The following CNGA4 variants were observed in gnomAD, a reference collection of about 807,000 sequenced individuals.
CNGA4 encodes the protein cyclic nucleotide-gated channel alpha-4.
In CNGA4, 32 loss-of-function variants were observed where a neutral mutation model predicts 45.6. The observed-to-expected ratio is 0.70, with a 90% CI of 0.53 to 0.94. The LOEUF is 0.94. CNGA4 is among the 40% of genes least tolerant of loss of function. The pLI, the probability that CNGA4 is intolerant of heterozygous loss-of-function variation, is 0.00. For synonymous variants in CNGA4, 293 were observed against 304.6 expected (o/e 0.96, Z 0.40); for missense variants, 726 against 755.1 (o/e 0.96, Z 0.45).
chr11:6,244,826 G>A (rs753628534), downstream of CNGA4, among the ~76,000 whole-genome samples: 6 of 152,162 alleles, frequency 3.9e-5, no homozygotes, highest in Non-Finnish European at 5.9e-5. The surrounding 1 kb of genome is among the most constrained non-coding windows in gnomAD (Gnocchi z 4.5). Context: ...AGACACAGAT[G>A]CCCTTCACAG....
intron 5 of CNGA4, 115 bp downstream of exon 5, chr11:6,241,895 C>T: frequency 1.1e-6 from 1 of 904,420 alleles, no homozygotes; most frequent in Non-Finnish European, 1.7e-6. Context: ...TTGAGGAAAC[C>T]TGGCCCTTCT....
chr11:6,237,433 C>G (rs542615077), upstream of CNGA4, among the ~76,000 whole-genome samples: 12 of 151,940 alleles, frequency 7.9e-5, no homozygotes, highest in Admixed American at 7.9e-4. Context: ...ATATAGATAA[C>G]TGAAACTCAG....
upstream of CNGA4, among the ~76,000 whole-genome samples, chr11:6,235,765 C>T (rs1252816783): frequency 1.3e-5 from 2 of 151,936 alleles, no homozygotes; most frequent in Admixed American, 1.3e-4. Flanking sequence ...ATAGTGAAAC[C>T]CCGTCCCTAC....
Position 6,239,107 on chromosome 11 carries a change from G to T in CNGA4, c.-100G>T. ...AAGTCACAGCAGAAGCCCAACAGCA[G>T]CCTCCTTCAGGCAGTCAGGCACTAG... On this transcript the variant is annotated 5_prime_UTR_variant, in exon 1 of 6. Coordinates refer to ENST00000379936, the MANE Select transcript of CNGA4 (RefSeq NM_001037329.4). The T allele has an allele frequency of 6.3e-7, 1 of 1,596,870 alleles. No homozygotes were observed. Among genetic ancestry groups the T allele is most frequent in the South Asian group, 1.1e-5 (1 of 89,094 alleles).
In CNGA4 at chr11:6,240,520, A is replaced by C. The variant is rs941716652; in HGVS notation, c.726A>C (p.Glu242Asp). 2 of 1,614,118 alleles carry C rather than the reference A, an allele frequency of 1.2e-6. No homozygotes were observed. The highest frequency in any genetic ancestry group is 4.5e-5 in the East Asian group (2 of 44,888). ...VGDTPPPAREEEYLFMVGDFL... is the reference protein window; with the variant it reads ...VGDTPPPAREDEYLFMVGDFL... Reference sequence around the variant, plus strand: ...ATACACCGCCGCCAGCCAGGGAAGAAGAGTACCTCTTCATGGTGGGCGACT... The same window carrying C: ...ATACACCGCCGCCAGCCAGGGAAGACGAGTACCTCTTCATGGTGGGCGACT... The change falls in exon 4 of 6, where the codon GAA (glutamate) becomes GAC (aspartate). Residue 242 changes from glutamate (E) to aspartate (D), a missense_variant. Transcript: ENST00000379936. This position sits in a 1 kb window ranked among gnomAD's most constrained non-coding sequence, Gnocchi z 4.9.
chr11:6,238,978 A>C, upstream of CNGA4: 1 of 1,337,792 alleles, frequency 7.5e-7, no homozygotes, highest in Non-Finnish European at 9.8e-7. Flanking sequence ...GGGCAGGTGT[A>C]AGCCCAGGCC....
chr11:6,241,855 C>T (rs755244916), intron 5 of CNGA4, 75 bp downstream of exon 5: 15 of 1,331,208 alleles, frequency 1.1e-5, no homozygotes, highest in Non-Finnish European at 1.6e-5. Context: ...AGTGCTGGGA[C>T]CAGATAGTAC....
chr11:6,244,248 C>G lies in CNGA4; in HGVS notation c.1567C>G (p.Leu523Val), dbSNP rs750898164. The G allele has an allele frequency of 1.9e-6, 3 of 1,614,062 alleles. No individual in the cohort carries two copies. Among genetic ancestry groups the G allele is most frequent in the Non-Finnish European group, 2.5e-6 (3 of 1,180,030 alleles). ...RLLAELESSA[L>V]KIAYRIERLE... Reference sequence around the variant, plus strand: ...CCTGGCTGAGCTGGAGTCCAGCGCACTTAAGATTGCTTACCGCATTGAACG... The same window carrying G: ...CCTGGCTGAGCTGGAGTCCAGCGCAGTTAAGATTGCTTACCGCATTGAACG... The change falls in exon 6 of 6, where the codon CTT (leucine) becomes GTT (valine). Residue 523 changes from leucine (L) to valine (V), a missense_variant. By Grantham distance (32) the Leu-to-Val change is conservative. Transcript: ENST00000379936. The surrounding 1 kb of genome is among the most constrained non-coding windows in gnomAD (Gnocchi z 4.5).
At chr11:6,238,967 T>G, upstream of CNGA4, 1 of 1,239,854 alleles carries the variant, frequency 8.1e-7, no homozygotes, top group Admixed American at 3.1e-5. Flanking sequence ...GGTGTTTAGC[T>G]GGGCAGGTGT....
At chr11:6,239,909 G>GA in intron 3 of CNGA4, 119 bp downstream of exon 3, 1 of 1,343,148 alleles carries the variant, frequency 7.4e-7, no homozygotes. Flanking sequence ...CTCTATGCCT[G>GA]ACAGCATCCC....
At chr11:6,241,929 G>A in intron 5 of CNGA4, 149 bp downstream of exon 5, 1 of 668,648 alleles carries the variant, frequency 1.5e-6, no homozygotes. Flanking sequence ...TGGCTCAGGA[G>A]AAAAACAACA....
chr11:6,239,146 A>T lies in CNGA4; in HGVS notation c.-61A>T. On this transcript the variant is annotated 5_prime_UTR_variant, in exon 1 of 6. Transcript: ENST00000379936. Reference sequence around the variant, plus strand: ...GTCAGGCACTAGTGCCCAACTCCAGAAGTCCCCTACAGGCAGAGAGGGTGT... The same window carrying T: ...GTCAGGCACTAGTGCCCAACTCCAGTAGTCCCCTACAGGCAGAGAGGGTGT... 1 of 1,611,480 alleles carries T rather than the reference A, an allele frequency of 6.2e-7. No homozygotes were observed. Among genetic ancestry groups the T allele is most frequent in the Non-Finnish European group, 8.5e-7 (1 of 1,179,596 alleles).
chr11:6,240,720 G>T lies in CNGA4; in HGVS notation c.917+9G>T, dbSNP rs766965766. The T allele has an allele frequency of 4.7e-5, 75 of 1,609,064 alleles. No homozygotes were observed. The highest frequency in any genetic ancestry group is 5.9e-5 in the Non-Finnish European group (69 of 1,176,862). On this transcript the variant is annotated intron_variant, in intron 4 of 5. Transcript: ENST00000379936. This position sits in a 1 kb window ranked among gnomAD's most constrained non-coding sequence, Gnocchi z 4.9. ...CGGCGAGTTATTGACTGGTGAGAAG[G>T]CGGGGTTCCAGACCAGGACAGGGAC...
In CNGA4 at chr11:6,240,512, A is replaced by G; in HGVS notation, c.718A>G (p.Arg240Gly). 1.9e-6 allele frequency: 3 copies of G among 1,614,214 alleles called. No homozygotes were observed. Among genetic ancestry groups the G allele is most frequent in the Non-Finnish European group, 1.7e-6 (2 of 1,180,036 alleles). ...AGTGGGCGATACACCGCCGCCAGCC[A>G]GGGAAGAAGAGTACCTCTTCATGGT... Reference protein sequence around the residue: ...TTVGDTPPPAREEEYLFMVGD... With the variant: ...TTVGDTPPPAGEEEYLFMVGD... The change falls in exon 4 of 6, where the codon AGG becomes GGG. Residue 240 changes from arginine (R) to glycine (G), a missense_variant. Coordinates refer to ENST00000379936, the MANE Select transcript of CNGA4 (RefSeq NM_001037329.4). The surrounding 1 kb of genome is among the most constrained non-coding windows in gnomAD (Gnocchi z 4.9).
chr11:6,244,262 C>T lies in CNGA4; in HGVS notation c.1581C>T (p.Tyr527=), dbSNP rs61733955. 26,213 of 1,614,182 alleles carry T rather than the reference C, an allele frequency of 0.016. 260 individuals carry two copies. The highest frequency in any genetic ancestry group is 0.02 in the Non-Finnish European group (23,207 of 1,180,022). The part of the protein sequence containing the change: ...ELESSALKIA[Y]RIERLEWQTR... Reference sequence around the variant, plus strand: ...AGTCCAGCGCACTTAAGATTGCTTACCGCATTGAACGGCTGGAGTGGCAGA... The same window carrying T: ...AGTCCAGCGCACTTAAGATTGCTTATCGCATTGAACGGCTGGAGTGGCAGA... The change falls in exon 6 of 6, where the codon TAC becomes TAT. Residue 527 remains tyrosine, a synonymous_variant. Coordinates refer to ENST00000379936, the MANE Select transcript of CNGA4 (RefSeq NM_001037329.4). The surrounding 1 kb of genome is among the most constrained non-coding windows in gnomAD (Gnocchi z 4.5).
chr11:6,243,460 A>T (rs779800549), intron 5 of CNGA4, among the ~76,000 whole-genome samples: 1 of 152,100 alleles, frequency 6.6e-6, no homozygotes, highest in Non-Finnish European at 1.5e-5. Context: ...CGACTCACTA[A>T]CTCAAAGACA....
Position 6,241,789 on chromosome 11 carries a change from C to G in CNGA4, c.1267+9C>G. On this transcript the variant is annotated intron_variant, in intron 5 of 5. Transcript: ENST00000379936. ...CATCATCAACATCAAAGGTGGGTATCCCAGTATTTGTTCCAGGGACAAGGA... is the reference window on the plus strand; with the variant it reads ...CATCATCAACATCAAAGGTGGGTATGCCAGTATTTGTTCCAGGGACAAGGA... The G allele has an allele frequency of 6.2e-7, 1 of 1,612,542 alleles. No individual in the cohort carries two copies.
At position 6,241,725 on chromosome 11, in the gene CNGA4, T is replaced by C. The variant is rs138533158; in HGVS notation, c.1212T>C (p.Tyr404=). ...AVVADDGITQ[Y]AVLGAGLYFG... ...TGGCAGATGATGGTATCACACAGTA[T>C]GCTGTGCTCGGTGCAGGGCTCTACT... Residue 404 remains tyrosine, a synonymous_variant, in exon 5 of 6, where the codon TAT becomes TAC. Coordinates refer to ENST00000379936, the MANE Select transcript of CNGA4 (RefSeq NM_001037329.4). 315 of 1,614,214 alleles carry C rather than the reference T, an allele frequency of 2.0e-4. 1 individual carries two copies. The African/African-American group carries it at 3.0e-3, about 16-fold the overall frequency.
chr11:6,243,546 C>T (rs931066960), intron 5 of CNGA4, among the ~76,000 whole-genome samples: 5 of 152,332 alleles, frequency 3.3e-5, no homozygotes, highest in African/African-American at 7.2e-5. Flanking sequence ...TTGGGGATTA[C>T]ATTTCACATG....
Sources: gnomAD v4.1 joint callset for allele counts (sites outside exome capture counted in the v4.1 genomes callset) on GRCh38, gnomAD v4.1.1 for gene constraint, Gnocchi (gnomAD v3.1) non-coding constraint, MANE v1.5 for transcripts, NCBI Gene and HGNC (gene_info 2026-07-23, HGNC 2026-07-21) for gene names.